Variants in RFC3 observed in about 807,000 individuals in gnomAD.
RFC3 encodes replication factor C subunit 3.
In RFC3, 41 loss-of-function variants were observed where a neutral mutation model predicts 45.1. That is an observed-to-expected ratio of 0.91 (90% CI 0.71 to 1.18). The LOEUF (loss-of-function observed/expected upper bound fraction) is 1.18, where lower values mean the gene tolerates loss of function less well. RFC3 is among the 50% of genes most tolerant of loss of function. The pLI is 0.00. For missense variants in RFC3, 423 were observed against 428.1 expected, an observed-to-expected ratio of 0.99 and a Z score of 0.10; for synonymous variants, 149 against 144.0, an observed-to-expected ratio of 1.03 and a Z score of -0.25.
At chr13:33,899,404 A>G (rs1248984652) in intron 8 of RFC3, among the ~76,000 whole-genome samples, 9 of 151,812 alleles carry the variant, frequency 5.9e-5, no homozygotes, top group Admixed American at 1.3e-4. Context: ...AATGTGATAC[A>G]TCATATCAAC....
intron 8 of RFC3, among the ~76,000 whole-genome samples, chr13:33,859,780 T>C (rs2082329247): frequency 6.6e-6 from 1 of 152,160 alleles, no homozygotes; most frequent in South Asian, 2.1e-4. Context: ...GGGCATGCCA[T>C]GGACTGAATT....
At chr13:33,937,971 C>G (rs2082897913) in intron 8 of RFC3, among the ~76,000 whole-genome samples, 1 of 152,054 alleles carries the variant, frequency 6.6e-6, no homozygotes, top group Non-Finnish European at 1.5e-5. Flanking sequence ...GACAATGCCC[C>G]ATTGTGCTTG....
At chr13:33,821,031 A>G (rs978141617) in intron 1 of RFC3, 101 bp from the exon 2 acceptor site, 13 of 1,206,546 alleles carry the variant, frequency 1.1e-5, no homozygotes, top group African/African-American at 4.5e-5. Context: ...TGGGAGTTTC[A>G]TGGGTAGACA....
intron 8 of RFC3, among the ~76,000 whole-genome samples, chr13:33,914,273 G>A (rs2082720136): frequency 6.6e-6 from 1 of 152,072 alleles, no homozygotes; most frequent in South Asian, 2.1e-4. Flanking sequence ...TTTATTCTAG[G>A]CTACTTTTTC....
chr13:33,837,595 T>C (rs1176782962), downstream of RFC3: 1 of 152,118 alleles, frequency 6.6e-6, no homozygotes, highest in African/African-American at 2.4e-5. Flanking sequence ...CATTAACTTT[T>C]AAAAAGTTGC....
intron 8 of RFC3, among the ~76,000 whole-genome samples, chr13:33,916,779 T>C (rs1403791890): frequency 1.3e-5 from 2 of 148,652 alleles, no homozygotes; most frequent in Admixed American, 1.3e-4. Flanking sequence ...TACATACACA[T>C]ATATACATGT....
At chr13:33,838,561 T>G (rs1369663664), downstream of RFC3, among the ~76,000 whole-genome samples, 2 of 152,170 alleles carry the variant, frequency 1.3e-5, no homozygotes, top group African/African-American at 2.4e-5. Flanking sequence ...AATTTTCTTT[T>G]GCAGTTTTCA....
At chr13:33,828,061 T>C (rs1483897508) in intron 4 of RFC3, among the ~76,000 whole-genome samples, 1 of 151,986 alleles carries the variant, frequency 6.6e-6, no homozygotes, top group Non-Finnish European at 1.5e-5. Context: ...GGTGGGAAGA[T>C]TGCTTGAACC....
At chr13:33,874,217 G>A (rs2082431181) in intron 8 of RFC3, among the ~76,000 whole-genome samples, 1 of 152,134 alleles carries the variant, frequency 6.6e-6, no homozygotes, top group Non-Finnish European at 1.5e-5. Flanking sequence ...ACTAATCATA[G>A]CTCAATTATT....
At chr13:33,962,113 G>A (rs2083060875) in intron 8 of RFC3, among the ~76,000 whole-genome samples, 1 of 152,136 alleles carries the variant, frequency 6.6e-6, no homozygotes, top group Admixed American at 6.5e-5. Flanking sequence ...AGCTTGCAGA[G>A]GCAGGTGGTA....
At chr13:33,942,914 C>T (rs2082933663) in intron 8 of RFC3, among the ~76,000 whole-genome samples, 1 of 152,142 alleles carries the variant, frequency 6.6e-6, no homozygotes, top group Admixed American at 6.6e-5. Flanking sequence ...GAAACCTTGA[C>T]TGCTAAGGTG....
chr13:33,955,095 T>TC lies in RFC3; in HGVS notation c.880-10988dup, dbSNP rs2083013940. ...AACTCTAAATCTTATGGTGCTAATT[T>TC]CCCCTTCAGTGTCTAGAAATGGTTT... On this transcript the variant is annotated intron_variant, in intron 8 of 8. Transcript: ENST00000434425. Among the ~76,000 whole-genome samples, 3 of 152,124 alleles carry TC rather than the reference T, an allele frequency of 2.0e-5. No individual in the cohort carries two copies. In the South Asian group the frequency reaches 6.2e-4, roughly 32 times the overall value.
At chr13:33,957,039 C>T (rs774917929) in intron 8 of RFC3, among the ~76,000 whole-genome samples, 13 of 152,110 alleles carry the variant, frequency 8.5e-5, no homozygotes, top group Non-Finnish European at 1.3e-4. Context: ...CCATGATCAT[C>T]GTCAACTATT....
intron 8 of RFC3, among the ~76,000 whole-genome samples, chr13:33,861,199 G>A (rs2137536000): frequency 6.6e-6 from 1 of 152,258 alleles, no homozygotes; most frequent in Admixed American, 6.5e-5. Flanking sequence ...TAAAAATAGA[G>A]GTTGCATGTC....
At chr13:33,942,350 G>C (rs770564480) in intron 8 of RFC3, among the ~76,000 whole-genome samples, 7 of 151,920 alleles carry the variant, frequency 4.6e-5, no homozygotes, top group Non-Finnish European at 8.8e-5. Context: ...AGTACATAAT[G>C]GTTGTCTATA....
At position 33,820,640 on chromosome 13, in the gene RFC3, A is replaced by C. The variant is rs189163063; in HGVS notation, c.88-492A>C. Among the ~76,000 whole-genome samples the C allele has an allele frequency of 2.0e-3, 298 of 152,334 alleles. 1 individual carries two copies. Among genetic ancestry groups the C allele is most frequent in the African/African-American group, 6.6e-3 (275 of 41,570 alleles). On this transcript the variant is annotated intron_variant, in intron 1 of 8. Transcript: ENST00000380071. ...CACAAGTAACCTCCCAAAGAAACCA[A>C]ATGCACTGAATTGTTATCACAGGGA...
At chr13:33,828,505 T>C (rs1269631768) in intron 4 of RFC3, among the ~76,000 whole-genome samples, 2 of 152,198 alleles carry the variant, frequency 1.3e-5, no homozygotes, top group Non-Finnish European at 1.5e-5. Flanking sequence ...CACCCATAAA[T>C]TGGGCTCTGT....
chr13:33,909,081 A>G (rs9598281), intron 8 of RFC3, among the ~76,000 whole-genome samples: 42,070 of 151,962 alleles, frequency 0.28, 8,715 homozygotes, highest in African/African-American at 0.56. Context: ...CACTCAAGTT[A>G]ACATATAAAA....
intron 8 of RFC3, among the ~76,000 whole-genome samples, chr13:33,870,288 CAT>C (rs887056444): frequency 2.1e-4 from 32 of 152,254 alleles, no homozygotes; most frequent in African/African-American, 7.2e-4. Flanking sequence ...AGAAATGAAA[CAT>C]AAATTGGCAG....
Sources: gnomAD v4.1 joint callset for allele counts (sites outside exome capture counted in the v4.1 genomes callset) on GRCh38, gnomAD v4.1.1 for gene constraint, MANE v1.5 for transcripts, NCBI Gene and HGNC (gene_info 2026-07-23, HGNC 2026-07-21) for gene names.